Variants in PSME3IP1 observed in about 807,000 individuals in gnomAD.
The protein encoded by PSME3IP1 is proteasome activator subunit 3 interacting protein 1, also known as PSME3-interacting protein.
PSME3IP1 carries 13 observed loss-of-function variants against 34.1 expected under a neutral mutation model. That is an observed-to-expected ratio of 0.38 (90% CI 0.25 to 0.61). The LOEUF (loss-of-function observed/expected upper bound fraction) is 0.61. Ranked by LOEUF, PSME3IP1 falls within the 20% of genes least tolerant of loss-of-function variation. PSME3IP1 has a pLI of 0.60. For missense variants in PSME3IP1, 237 were observed against 301.4 expected, an observed-to-expected ratio of 0.79 and a Z score of 1.58; for synonymous variants, 93 against 114.3, an observed-to-expected ratio of 0.81 and a Z score of 1.19.
chr16:57,170,682 T>C (rs1382405881), intron 4 of PSME3IP1, among the ~76,000 whole-genome samples: 1 of 152,224 alleles, frequency 6.6e-6, no homozygotes, highest in Non-Finnish European at 1.5e-5. Flanking sequence ...TTTTTTCTTA[T>C]GGAGCTCATT....
At chr16:57,183,484 C>T (rs2073908243) in intron 1 of PSME3IP1, among the ~76,000 whole-genome samples, 1 of 152,058 alleles carries the variant, frequency 6.6e-6, no homozygotes, top group Admixed American at 6.6e-5. Flanking sequence ...AGGTGCCCGC[C>T]ACCATGACTG....
At chr16:57,169,101 A>G (rs2072262067) in intron 4 of PSME3IP1, among the ~76,000 whole-genome samples, 1 of 152,144 alleles carries the variant, frequency 6.6e-6, no homozygotes, top group Admixed American at 6.5e-5. Context: ...TAATAATCTT[A>G]TTTTTGATCC....
intron 1 of PSME3IP1, chr16:57,181,573 G>C (rs1419782816): frequency 6.6e-6 from 1 of 152,186 alleles, no homozygotes. Context: ...GACCGCGTCA[G>C]ATCCCATAGG....
At chr16:57,161,133 T>G (rs1011957692) in intron 6 of PSME3IP1, among the ~76,000 whole-genome samples, 2 of 152,244 alleles carry the variant, frequency 1.3e-5, no homozygotes, top group Admixed American at 6.5e-5. Flanking sequence ...AAATCGTAAC[T>G]GCCTTTTCTG....
rs1302254212 is a variant in PSME3IP1 at position 57,152,788 on chromosome 16, C to T, written c.*1502G>A. The stretch of plus-strand genomic sequence containing the variant: ...GCGCCCATACTGGCAGAACAATTAG[C>T]ACAGAGTAGTTCTGAAAAGGAGGAA... On this transcript the variant is annotated 3_prime_UTR_variant, in exon 7 of 7. Coordinates refer to ENST00000309137, the MANE Select transcript of PSME3IP1 (RefSeq NM_024946.4). 6.6e-6 allele frequency: 1 copy of T among 152,658 alleles called. No individual in the cohort carries two copies. Among genetic ancestry groups the T allele is most frequent in the Non-Finnish European group, 1.5e-5 (1 of 68,052 alleles). The allele number at this position is 152,658 out of a possible 1,614,324, so 9.5% of individuals were successfully genotyped here. A position where few individuals can be genotyped will look rare whatever the true frequency, so the allele number is the denominator to read the frequency against.
chr16:57,176,893 C>T (rs945033548), intron 1 of PSME3IP1, among the ~76,000 whole-genome samples: 34 of 152,052 alleles, frequency 2.2e-4, no homozygotes, highest in African/African-American at 7.7e-4. Context: ...CTCGCTCTGC[C>T]GCCCAGGCCG....
At position 57,153,326 on chromosome 16, in the gene PSME3IP1, T is replaced by G. The variant is rs560741331; in HGVS notation, c.*964A>C. 1.3e-5 allele frequency: 2 copies of G among 152,236 alleles called. No homozygotes were observed. The highest frequency in any genetic ancestry group is 3.9e-4 in the East Asian group (2 of 5,170). The allele number at this position is 152,236 out of a possible 1,614,324, so 9.4% of individuals were successfully genotyped here. A position where few individuals can be genotyped will look rare whatever the true frequency, so the allele number is the denominator to read the frequency against. ...TAGGGCAGCACCTTTAGGTTAGAAA[T>G]AGATTCCACAGTTAAAAGCACAAGT... is the stretch of plus-strand genomic sequence containing the variant. On this transcript the variant is annotated 3_prime_UTR_variant, in exon 7 of 7. Transcript: ENST00000309137.
At position 57,169,278 on chromosome 16, in the gene PSME3IP1, C is replaced by T. The variant is rs758474143; in HGVS notation, c.349-2052G>A. 1.3e-5 allele frequency among the ~76,000 whole-genome samples: 2 copies of T among 152,160 alleles called. 1 individual carries two copies. Among genetic ancestry groups the T allele is most frequent in the South Asian group, 4.1e-4 (2 of 4,832 alleles). On this transcript the variant is annotated intron_variant, in intron 4 of 6. Coordinates refer to ENST00000309137, the MANE Select transcript of PSME3IP1 (RefSeq NM_024946.4). ...TGCTAAATACTGGTTTAACCTGAGACGAAACAAGAGTTCTGTTATTTACAT... is the reference window on the plus strand; with the variant it reads ...TGCTAAATACTGGTTTAACCTGAGATGAAACAAGAGTTCTGTTATTTACAT...
In PSME3IP1 at chr16:57,167,141, T is replaced by C; in HGVS notation, c.434A>G (p.Asn145Ser). 1 of 1,614,196 alleles carries C rather than the reference T, an allele frequency of 6.2e-7. No individual in the cohort carries two copies. Among genetic ancestry groups the C allele is most frequent in the Non-Finnish European group, 8.5e-7 (1 of 1,180,040 alleles). Residue 145 changes from asparagine to serine, a missense_variant, in exon 5 of 7, where the codon AAC (asparagine) becomes AGC (serine). Physicochemically the swap from Asn to Ser is conservative, Grantham distance 46. Coordinates refer to ENST00000309137, the MANE Select transcript of PSME3IP1 (RefSeq NM_024946.4). ...KLTVKPIETK[N>S]KFSQAKLLAG... ...CAACAGCTTCGCCTGGGAGAACTTG[T>C]TCTTGGTTTCTATAGGCTTCACAGT...
chr16:57,184,243 TA>T (rs34543179), intron 1 of PSME3IP1, among the ~76,000 whole-genome samples: 6,058 of 141,438 alleles, frequency 0.043, 276 homozygotes, highest in East Asian at 0.22. Flanking sequence ...GTTAAATCGA[TA>T]AAAAAAAAAA....
intron 1 of PSME3IP1, among the ~76,000 whole-genome samples, chr16:57,180,949 G>C (rs1157339216): frequency 2.6e-5 from 4 of 152,038 alleles, no homozygotes; most frequent in Non-Finnish European, 4.4e-5. Context: ...GCTGAAGTGG[G>C]AGGAAGGCTT....
At chr16:57,156,619 G>A (rs893820055) in intron 6 of PSME3IP1, among the ~76,000 whole-genome samples, 3 of 152,106 alleles carry the variant, frequency 2.0e-5, no homozygotes, top group East Asian at 1.9e-4. Flanking sequence ...CAGAGATAGA[G>A]CAAGGCTACA....
intron 6 of PSME3IP1, among the ~76,000 whole-genome samples, chr16:57,157,692 C>T (rs1294505811): frequency 2.0e-5 from 3 of 151,798 alleles, no homozygotes; most frequent in East Asian, 1.9e-4. Context: ...GTGATGTTCC[C>T]GCCTCAGCCT....
intron 4 of PSME3IP1, among the ~76,000 whole-genome samples, chr16:57,167,641 T>G (rs1202260318): frequency 6.6e-6 from 1 of 152,234 alleles, no homozygotes; most frequent in African/African-American, 2.4e-5. Flanking sequence ...TTGTTCTGAC[T>G]ATCAGTGGCA....
At chr16:57,164,766 T>C (rs2145624181) in intron 5 of PSME3IP1, among the ~76,000 whole-genome samples, 1 of 152,260 alleles carries the variant, frequency 6.6e-6, no homozygotes, top group South Asian at 2.1e-4. Context: ...GTGCGGTGGC[T>C]GACGCCTGTA....
At chr16:57,181,771 T>C (rs1469547673) in intron 1 of PSME3IP1, 1 of 152,204 alleles carries the variant, frequency 6.6e-6, no homozygotes, top group Non-Finnish European at 1.5e-5. Flanking sequence ...TTTACTTACA[T>C]ATACTGGTTT....
chr16:57,177,944 G>A (rs1295781033), intron 1 of PSME3IP1, among the ~76,000 whole-genome samples: 4 of 152,118 alleles, frequency 2.6e-5, no homozygotes, highest in African/African-American at 7.2e-5. Context: ...ACCCATGATC[G>A]CACCACTGCG....
chr16:57,160,296 CAA>C (rs202138648), intron 6 of PSME3IP1, among the ~76,000 whole-genome samples: 15 of 79,056 alleles, frequency 1.9e-4, no homozygotes, highest in South Asian at 3.1e-4. Flanking sequence ...GACTCCGTCT[CAA>C]AAAAAAAAAA....
In PSME3IP1 at chr16:57,180,231, A is replaced by G. The variant is rs1199017288; in HGVS notation, c.-16+5590T>C. 3.3e-5 allele frequency among the ~76,000 whole-genome samples: 5 copies of G among 152,254 alleles called. No individual in the cohort carries two copies. The South Asian group carries it at 8.3e-4, about 25-fold the overall frequency. On this transcript the variant is annotated intron_variant, in intron 1 of 6. Coordinates refer to ENST00000309137, the MANE Select transcript of PSME3IP1 (RefSeq NM_024946.4). Reference sequence around the variant, plus strand: ...ATTTGCAATAACCTTTCAGGCATCTATGAAACACATACAATAAAAAATTCA... The same window carrying G: ...ATTTGCAATAACCTTTCAGGCATCTGTGAAACACATACAATAAAAAATTCA...
Sources: gnomAD v4.1 joint callset for allele counts (sites outside exome capture counted in the v4.1 genomes callset) on GRCh38, gnomAD v4.1.1 for gene constraint, MANE v1.5 for transcripts, NCBI Gene and HGNC (gene_info 2026-07-23, HGNC 2026-07-21) for gene names.